The following IKBKB-DT variants were observed in gnomAD, a reference collection of about 807,000 sequenced individuals.
The protein encoded by IKBKB-DT is IKBKB divergent transcript, also known as IKBKB antisense RNA.
chr8:42,238,024 CAAAAAAAAAAAA>C (rs35087510), intron 3 of IKBKB-DT, among the ~76,000 whole-genome samples: 23 of 35,252 alleles, frequency 6.5e-4, no homozygotes, highest in Admixed American at 1.5e-3. Flanking sequence ...GGCCCTCTCT[CAAAAAAAAAAAA>C]AAAAAAAAAA....
chr8:42,248,087 C>T (rs886338396), intron 3 of IKBKB-DT, among the ~76,000 whole-genome samples: 2 of 149,854 alleles, frequency 1.3e-5, no homozygotes, highest in African/African-American at 2.5e-5. Context: ...AGCAAGACTC[C>T]GTCTCGGAAA....
At chr8:42,244,703 T>C (rs924828146) in intron 3 of IKBKB-DT, among the ~76,000 whole-genome samples, 8 of 152,172 alleles carry the variant, frequency 5.3e-5, no homozygotes, top group African/African-American at 1.9e-4. Context: ...TTGTTAGTTA[T>C]AAATGGATTA....
In IKBKB-DT at chr8:42,268,259, C is replaced by T. The variant is rs530670369; in HGVS notation, n.604-1863G>A. On this transcript the variant is annotated intron_variant and non_coding_transcript_variant, in intron 1 of 3. Coordinates refer to ENST00000518213, the Ensembl canonical transcript of IKBKB-DT. Reference sequence around the variant, plus strand: ...AAGCGATTCTCCTGCCTCAGCCTCCCGAGTAGCTTGGATTACAGGCACGTG... The same window carrying T: ...AAGCGATTCTCCTGCCTCAGCCTCCTGAGTAGCTTGGATTACAGGCACGTG... 8.7e-4 allele frequency among the ~76,000 whole-genome samples: 132 copies of T among 151,682 alleles called. No individual in the cohort carries two copies. The East Asian group carries it at 0.024, about 27-fold the overall frequency.
In IKBKB-DT at chr8:42,252,252, C is replaced by G. The variant is rs1392426310; in HGVS notation, n.1529+11077G>C. 3.3e-5 allele frequency among the ~76,000 whole-genome samples: 5 copies of G among 152,164 alleles called. No individual in the cohort carries two copies. In the South Asian group the frequency reaches 8.3e-4, roughly 25 times the overall value. On this transcript the variant is annotated intron_variant and non_coding_transcript_variant, in intron 3 of 3. Transcript: ENST00000518213. ...ACCTGGTCCAACCAAGGTCTTGTGC[C>G]CTATGTAAATCAGACACTGCCTCCT...
exon 1 of IKBKB-DT, chr8:42,270,683 G>C (rs1195682486): frequency 6.6e-6 from 1 of 152,248 alleles, no homozygotes; most frequent in Non-Finnish European, 1.5e-5. Flanking sequence ...CCCATAAAAC[G>C]GAGAAACTCA....
chr8:42,246,421 T>A (rs1225703177), intron 3 of IKBKB-DT, among the ~76,000 whole-genome samples: 1 of 152,214 alleles, frequency 6.6e-6, no homozygotes, highest in African/African-American at 2.4e-5. Flanking sequence ...CTTTCTATAA[T>A]ATGTTTCTCT....
At chr8:42,234,287 T>G (rs1314468116) in intron 3 of IKBKB-DT, among the ~76,000 whole-genome samples, 1 of 152,210 alleles carries the variant, frequency 6.6e-6, no homozygotes, top group Non-Finnish European at 1.5e-5. Flanking sequence ...CTGACTTTCC[T>G]GGTGAGGCAT....
chr8:42,239,414 C>T (rs146638501), intron 3 of IKBKB-DT, among the ~76,000 whole-genome samples: 2,489 of 151,456 alleles, frequency 0.016, 42 homozygotes, highest in Non-Finnish European at 0.019. Flanking sequence ...CCATCCCCTC[C>T]GGTGGGTATC....
chr8:42,265,754 G>A (rs1214632488), exon 2 of IKBKB-DT: 1 of 152,192 alleles, frequency 6.6e-6, no homozygotes, highest in Non-Finnish European at 1.5e-5. Flanking sequence ...AAAAGTAAAG[G>A]GAGCTTAAAA....
chr8:42,252,879 C>G (rs1411472649), intron 3 of IKBKB-DT, among the ~76,000 whole-genome samples: 1 of 152,190 alleles, frequency 6.6e-6, no homozygotes, highest in African/African-American at 2.4e-5. Flanking sequence ...ACTTTCCAAT[C>G]TGACTCTAGC....
intron 3 of IKBKB-DT, among the ~76,000 whole-genome samples, chr8:42,257,333 C>T (rs1395327735): frequency 1.5e-4 from 23 of 151,630 alleles, no homozygotes; most frequent in African/African-American, 5.3e-4. Flanking sequence ...GAAACCCCAT[C>T]TCTACTAAAA....
At chr8:42,250,911 G>A (rs1807121801) in intron 3 of IKBKB-DT, among the ~76,000 whole-genome samples, 1 of 152,122 alleles carries the variant, frequency 6.6e-6, no homozygotes. Flanking sequence ...ATATTATGAA[G>A]TTATAGTAAT....
chr8:42,249,061 T>C (rs1315895892), intron 3 of IKBKB-DT: 1 of 152,132 alleles, frequency 6.6e-6, no homozygotes, highest in East Asian at 1.9e-4. Context: ...TAAACATTTC[T>C]TTCACAGAAC....
At chr8:42,258,338 T>G (rs1470276574) in intron 3 of IKBKB-DT, among the ~76,000 whole-genome samples, 1 of 152,208 alleles carries the variant, frequency 6.6e-6, no homozygotes. Flanking sequence ...TTTGAGACAG[T>G]CTTGCTATGT....
chr8:42,270,556 T>C (rs1415475434), intron 1 of IKBKB-DT: 1 of 152,252 alleles, frequency 6.6e-6, no homozygotes, highest in Non-Finnish European at 1.5e-5. Flanking sequence ...CTGCACTGTG[T>C]AAGCACTCTA....
chr8:42,260,668 C>CA (rs771731696), intron 3 of IKBKB-DT, among the ~76,000 whole-genome samples: 1,419 of 43,348 alleles, frequency 0.033, 27 homozygotes, highest in Non-Finnish European at 0.044. Flanking sequence ...GACTCTGTCT[C>CA]AAAAAAAAAA....
intron 3 of IKBKB-DT, among the ~76,000 whole-genome samples, chr8:42,261,212 A>T (rs1269256841): frequency 2.6e-5 from 4 of 152,090 alleles, no homozygotes; most frequent in Admixed American, 2.6e-4. Flanking sequence ...CTGTAGTCCC[A>T]GTTACTCAGG....
chr8:42,245,800 C>T, intron 3 of IKBKB-DT, among the ~76,000 whole-genome samples: 1 of 152,168 alleles, frequency 6.6e-6, no homozygotes, highest in East Asian at 1.9e-4. Context: ...TATCTGCTTA[C>T]TTTCTGAAGC....
At chr8:42,239,976 G>C (rs1345068641) in intron 3 of IKBKB-DT, among the ~76,000 whole-genome samples, 1 of 152,040 alleles carries the variant, frequency 6.6e-6, no homozygotes, top group African/African-American at 2.4e-5. Flanking sequence ...ATACAAGATT[G>C]TAAACTGAAT....
Sources: allele counts gnomAD v4.1 joint callset (sites outside exome capture counted in the v4.1 genomes callset), GRCh38; gene constraint gnomAD v4.1.1; transcripts MANE v1.5; gene names NCBI Gene and HGNC (gene_info 2026-07-23, HGNC 2026-07-21).